IQCH: variants seen among roughly 807,000 people sequenced by gnomAD.
IQCH encodes the protein IQ domain-containing protein H.
A neutral mutation model predicts 117.0 loss-of-function variants in IQCH; 98 were observed. The ratio of observed to expected loss-of-function variants is 0.84; its 90% CI spans 0.71 to 0.99. IQCH has a LOEUF of 0.99. IQCH is among the 50% of genes least tolerant of loss of function. The pLI, the probability that IQCH is intolerant of heterozygous loss-of-function variation, is 0.00. For synonymous variants in IQCH, 412 were observed against 448.2 expected (o/e 0.92, Z 1.02); for missense variants, 1,102 against 1,243.8 (o/e 0.89, Z 1.72).
intron 2 of IQCH, 95 bp downstream of exon 2, chr15:67,261,489 G>T (rs1024515453): frequency 1.8e-5 from 19 of 1,075,418 alleles, no homozygotes; most frequent in Non-Finnish European, 2.5e-5. Context: ...GCATAATTCT[G>T]TAACAAAGCT....
At chr15:67,497,024 CAAAAAA>C (rs753821092) in intron 20 of IQCH, among the ~76,000 whole-genome samples, 1 of 35,834 alleles carries the variant, frequency 2.8e-5, no homozygotes, top group Non-Finnish European at 6.1e-5. Flanking sequence ...GACTCCGTCT[CAAAAAA>C]AAAAAAAAAA....
In IQCH at chr15:67,491,326, C is replaced by T. The variant is rs1259227173; in HGVS notation, c.2861+1262C>T. 1.3e-5 allele frequency among the ~76,000 whole-genome samples: 2 copies of T among 152,156 alleles called. No individual in the cohort carries two copies. Among genetic ancestry groups the T allele is most frequent in the Non-Finnish European group, 2.9e-5 (2 of 68,020 alleles). On this transcript the variant is annotated intron_variant, in intron 19 of 20. Coordinates refer to ENST00000335894, the MANE Select transcript of IQCH (RefSeq NM_001031715.3). The surrounding 1 kb of genome is among the most constrained non-coding windows in gnomAD (Gnocchi z 4.9). ...ATCCAAAGCATAGTCCTTTGTTCTA[C>T]CAAAGCATTATCAGTTAGACCATTA... is the stretch of plus-strand genomic sequence containing the variant.
rs958025565 is a variant in IQCH, at chr15:67,364,095, G to A, written c.753+4210G>A. On this transcript the variant is annotated intron_variant, in intron 8 of 20. Coordinates refer to ENST00000335894, the MANE Select transcript of IQCH (RefSeq NM_001031715.3). The surrounding 1 kb of genome is among the most constrained non-coding windows in gnomAD (Gnocchi z 4.1). Reference sequence around the variant, plus strand: ...CCCAATAAGGGGATTGCTGGGTCGAGTGGTAATTCTGTTTTAAGTTCTTTG... The same window carrying A: ...CCCAATAAGGGGATTGCTGGGTCGAATGGTAATTCTGTTTTAAGTTCTTTG... 2.0e-5 allele frequency among the ~76,000 whole-genome samples: 3 copies of A among 152,172 alleles called. No homozygotes were observed. The highest frequency in any genetic ancestry group is 7.2e-5 in the African/African-American group (3 of 41,444).
intron 16 of IQCH, chr15:67,460,098 TTTA>T (rs1319457715): frequency 2.0e-5 from 3 of 152,150 alleles, no homozygotes; most frequent in African/African-American, 7.2e-5. Flanking sequence ...CAGCAGTGGT[TTTA>T]TTATTATCTT....
chr15:67,297,944 A>G (rs1966866463), intron 4 of IQCH, among the ~76,000 whole-genome samples: 1 of 152,162 alleles, frequency 6.6e-6, no homozygotes, highest in African/African-American at 2.4e-5. Flanking sequence ...CTGACAAGGG[A>G]TTAATAACCA....
Position 67,403,314 on chromosome 15 carries a change from TTA to T in IQCH, c.2097+3012_2097+3013del, listed in dbSNP as rs1971746610. ...TTTGGAACCAGAGTTATCTGGCTGG[TTA>T]TAGTTGAGAATTAAAATAGTCCTGA... On this transcript the variant is annotated intron_variant, in intron 14 of 20. Coordinates refer to ENST00000335894, the MANE Select transcript of IQCH (RefSeq NM_001031715.3). The surrounding 1 kb of genome is among the most constrained non-coding windows in gnomAD (Gnocchi z 4.8). 6.6e-6 allele frequency among the ~76,000 whole-genome samples: 1 copy of T among 152,018 alleles called. No homozygotes were observed. Among genetic ancestry groups the T allele is most frequent in the African/African-American group, 2.4e-5 (1 of 41,384 alleles).
Position 67,445,068 on chromosome 15 carries a change from A to G in IQCH, c.2506-20059A>G, listed in dbSNP as rs990599205. 1.5e-4 allele frequency among the ~76,000 whole-genome samples: 23 copies of G among 152,180 alleles called. No individual in the cohort carries two copies. Among genetic ancestry groups the G allele is most frequent in the African/African-American group, 5.1e-4 (21 of 41,434 alleles). On this transcript the variant is annotated intron_variant, in intron 16 of 20. Transcript: ENST00000335894. This position sits in a 1 kb window ranked among gnomAD's most constrained non-coding sequence, Gnocchi z 4.3. ...TAATGAATTTGAATTATACTTGGAA[A>G]GTGGTGGCTTTGGTATGATTTTTTT...
chr15:67,391,700 T>G lies in IQCH; in HGVS notation c.1632+2694T>G, dbSNP rs979908239. Reference sequence around the variant, plus strand: ...CTGCCTGGATCTGATGATACTGATGTTCTCCAAATGGTCATACAAGACCTG... The same window carrying G: ...CTGCCTGGATCTGATGATACTGATGGTCTCCAAATGGTCATACAAGACCTG... On this transcript the variant is annotated intron_variant, in intron 12 of 20. Coordinates refer to ENST00000335894, the MANE Select transcript of IQCH (RefSeq NM_001031715.3). The surrounding 1 kb of genome is among the most constrained non-coding windows in gnomAD (Gnocchi z 4.3). Among the ~76,000 whole-genome samples the G allele has an allele frequency of 6.6e-6, 1 of 152,184 alleles. No homozygotes were observed. The highest frequency in any genetic ancestry group is 1.5e-5 in the Non-Finnish European group (1 of 68,040).
At position 67,254,863 on chromosome 15, in the gene IQCH, G is replaced by C. The variant is rs754435742; in HGVS notation, c.-34G>C. On this transcript the variant is annotated 5_prime_UTR_variant, in exon 1 of 21. Transcript: ENST00000335894. ...GAAGGTTTCCGTGCTTGGAAACCGC[G>C]CCTCCGCGGAGGTAGCCGTTCCCTG... The C allele has an allele frequency of 4.4e-6, 7 of 1,606,468 alleles. No homozygotes were observed. The East Asian group carries it at 1.6e-4, about 36-fold the overall frequency.
intron 4 of IQCH, among the ~76,000 whole-genome samples, chr15:67,318,829 A>G (rs1967975879): frequency 6.6e-6 from 1 of 152,216 alleles, no homozygotes; most frequent in South Asian, 2.1e-4. Context: ...TCACTTGGCT[A>G]ATGATTTAGG....
At chr15:67,268,058 A>G (rs190141768) in intron 3 of IQCH, among the ~76,000 whole-genome samples, 3 of 152,332 alleles carry the variant, frequency 2.0e-5, no homozygotes, top group East Asian at 1.9e-4. Flanking sequence ...GATCACATGC[A>G]TAATCACTGA....
In IQCH at chr15:67,369,324, A is replaced by G. The variant is rs1970440528; in HGVS notation, c.754-2787A>G. Among the ~76,000 whole-genome samples the G allele has an allele frequency of 6.6e-6, 1 of 152,186 alleles. No individual in the cohort carries two copies. Among genetic ancestry groups the G allele is most frequent in the Non-Finnish European group, 1.5e-5 (1 of 68,042 alleles). On this transcript the variant is annotated intron_variant, in intron 8 of 20. Transcript: ENST00000335894. This position sits in a 1 kb window ranked among gnomAD's most constrained non-coding sequence, Gnocchi z 5.2. Reference sequence around the variant, plus strand: ...TGTGGGCCAATTAGTGAATACAGGCATCTCGCAAAGGTATGATTGTGACCC... The same window carrying G: ...TGTGGGCCAATTAGTGAATACAGGCGTCTCGCAAAGGTATGATTGTGACCC...
intron 3 of IQCH, among the ~76,000 whole-genome samples, chr15:67,270,209 A>C (rs1346687991): frequency 6.6e-6 from 1 of 152,056 alleles, no homozygotes; most frequent in Admixed American, 6.5e-5. Flanking sequence ...GGATGCCTTT[A>C]TTTCTTTCTC....
intron 16 of IQCH, among the ~76,000 whole-genome samples, chr15:67,448,767 G>A (rs2082450017): frequency 6.6e-6 from 1 of 152,094 alleles, no homozygotes; most frequent in Non-Finnish European, 1.5e-5. Flanking sequence ...TGGGTCAAAT[G>A]GTATTTCTAG....
rs934978677 is a variant in IQCH, at chr15:67,401,483, T to C, written c.2097+1178T>C. On this transcript the variant is annotated intron_variant, in intron 14 of 20. Transcript: ENST00000335894. This position sits in a 1 kb window ranked among gnomAD's most constrained non-coding sequence, Gnocchi z 4.7. The stretch of plus-strand genomic sequence containing the variant: ...TACCAGCATACATAGCAGTGGGCTA[T>C]GCAAAGTGATTTGCGTCTGCTTTGA... 6.6e-6 allele frequency among the ~76,000 whole-genome samples: 1 copy of C among 152,208 alleles called. No individual in the cohort carries two copies. The highest frequency in any genetic ancestry group is 1.5e-5 in the Non-Finnish European group (1 of 68,036).
Position 67,372,375 on chromosome 15 carries a change from T to G in IQCH, c.1018T>G (p.Tyr340Asp), listed in dbSNP as rs34599707. The G allele has an allele frequency of 7.1e-4, 1,147 of 1,614,042 alleles. 3 individuals are homozygous for G. Among genetic ancestry groups the G allele is most frequent in the Non-Finnish European group, 9.2e-4 (1,088 of 1,180,020 alleles). The change falls in exon 9 of 21, where the codon TAT becomes GAT. Residue 340 changes from tyrosine to aspartate, a missense_variant. Tyr to Asp is a radical substitution (Grantham distance 160). Transcript: ENST00000335894. ...EFELTNKLTR[Y>D]DLLSVLEDPA... ...TGAGCTGACGAATAAACTTACCAGA[T>G]ATGACCTTCTCTCAGTGTTAGAGGA...
chr15:67,299,552 C>T lies in IQCH; in HGVS notation c.387+20040C>T, dbSNP rs148520219. On this transcript the variant is annotated intron_variant, in intron 4 of 20. Transcript: ENST00000335894. ...TGCTTGTATGAAAATAGCTCATATA[C>T]CTCATAAATATATATACCTACTAGG... Among the ~76,000 whole-genome samples, 412 of 151,846 alleles carry T rather than the reference C, an allele frequency of 2.7e-3. 3 individuals carry two copies. Among genetic ancestry groups the T allele is most frequent in the African/African-American group, 9.4e-3 (390 of 41,434 alleles).
intron 4 of IQCH, among the ~76,000 whole-genome samples, chr15:67,290,556 C>A (rs1966717165): frequency 6.6e-6 from 1 of 151,976 alleles, no homozygotes; most frequent in Non-Finnish European, 1.5e-5. Context: ...TGGCAAGATT[C>A]TTTTGACATC....
At chr15:67,322,071 C>G (rs1451399186) in intron 4 of IQCH, among the ~76,000 whole-genome samples, 1 of 152,112 alleles carries the variant, frequency 6.6e-6, no homozygotes, top group East Asian at 1.9e-4. Flanking sequence ...ATCATCAACT[C>G]TAATTGAAGA....
Sources: allele counts gnomAD v4.1 joint callset (sites outside exome capture counted in the v4.1 genomes callset), GRCh38; gene constraint gnomAD v4.1.1; non-coding constraint Gnocchi (gnomAD v3.1); transcripts MANE v1.5; gene names NCBI Gene and HGNC (gene_info 2026-07-23, HGNC 2026-07-21).